AP3B1: variants seen among roughly 807,000 people sequenced by gnomAD.
AP3B1 encodes adaptor related protein complex 3 subunit beta 1, also known as AP-3 complex subunit beta-1.
A neutral mutation model predicts 132.5 loss-of-function variants in AP3B1; 61 were observed. That is an observed-to-expected ratio of 0.46 (90% CI 0.37 to 0.57). AP3B1 has a LOEUF of 0.57. Ranked by LOEUF, AP3B1 falls within the 20% of genes least tolerant of loss-of-function variation. The probability of loss-of-function intolerance (pLI) is 0.00; values close to 1 mark genes in which losing one functional copy is unlikely to be tolerated. For missense variants in AP3B1, 1,120 were observed against 1,289.4 expected, an observed-to-expected ratio of 0.87 and a Z score of 2.01; for synonymous variants, 388 against 438.3, an observed-to-expected ratio of 0.89 and a Z score of 1.43.
intron 1 of AP3B1, among the ~76,000 whole-genome samples, chr5:78,271,454 T>G (rs1015135330): frequency 5.9e-5 from 9 of 152,136 alleles, no homozygotes; most frequent in Non-Finnish European, 7.4e-5. Context: ...TTTCTAAAAG[T>G]CAGAATCATA....
In AP3B1 at chr5:78,142,330, G is replaced by C. The variant is rs553012133; in HGVS notation, c.1474-1011C>G. ...CTCCCCTATTCCAAAAGGAATTTGAGAGGGTGTGTAAATTCATTTCAGTGA... is the reference window on the plus strand; with the variant it reads ...CTCCCCTATTCCAAAAGGAATTTGACAGGGTGTGTAAATTCATTTCAGTGA... On this transcript the variant is annotated intron_variant, in intron 14 of 26. Coordinates refer to ENST00000255194, the MANE Select transcript of AP3B1 (RefSeq NM_003664.5). 1.9e-4 allele frequency among the ~76,000 whole-genome samples: 29 copies of C among 152,332 alleles called. 1 individual carries two copies. In the South Asian group the frequency reaches 6.0e-3, roughly 32 times the overall value.
In AP3B1 at chr5:78,234,426, G is replaced by C. The variant is rs181072816; in HGVS notation, c.280-6187C>G. 3.3e-3 allele frequency among the ~76,000 whole-genome samples: 503 copies of C among 152,238 alleles called. 2 individuals carry two copies. The highest frequency in any genetic ancestry group is 0.012 in the African/African-American group (480 of 41,552). ...TTTTCAAATTCTTAGATCAGTTTTA[G>C]AAGCGCTTCTCTAACTATTTGAGGA... On this transcript the variant is annotated intron_variant, in intron 3 of 26. Transcript: ENST00000255194.
chr5:78,116,542 C>T (rs1435202019), intron 17 of AP3B1, among the ~76,000 whole-genome samples: 2 of 149,830 alleles, frequency 1.3e-5, no homozygotes, highest in African/African-American at 2.5e-5. Context: ...AATAGGTGAG[C>T]GAAACTAGAA....
chr5:78,122,796 C>T (rs1752279761), intron 17 of AP3B1, among the ~76,000 whole-genome samples: 1 of 152,124 alleles, frequency 6.6e-6, no homozygotes, highest in Non-Finnish European at 1.5e-5. Flanking sequence ...GATTCAATGC[C>T]ATCCCCATCA....
rs774196917 is a variant in AP3B1 at position 78,128,108 on chromosome 5, A to G, written c.1890T>C (p.Ala630=). 3 of 1,613,082 alleles carry G rather than the reference A, an allele frequency of 1.9e-6. No homozygotes were observed. The highest frequency in any genetic ancestry group is 2.5e-6 in the Non-Finnish European group (3 of 1,179,146). The change falls in exon 17 of 27, where the codon GCT becomes GCC. Residue 630 remains alanine, a synonymous_variant. Coordinates refer to ENST00000255194, the MANE Select transcript of AP3B1 (RefSeq NM_003664.5). ...AATTAGATAATTCCAGGTACCCAGT[A>G]GCTTTAATGTTGAGAGTATGAGATA... is the stretch of plus-strand genomic sequence containing the variant. ...GTLSHTLNIK[A]TGYLELSNWP... is the part of the protein sequence containing the mutation.
At chr5:78,143,912 A>C (rs113142148) in intron 14 of AP3B1, among the ~76,000 whole-genome samples, 6,183 of 152,090 alleles carry the variant, frequency 0.041, 187 homozygotes, top group East Asian at 0.14. Context: ...GGCTAAGGTA[A>C]AAGAATCACT....
chr5:78,204,090 ATTAC>A (rs1296658186), intron 7 of AP3B1, among the ~76,000 whole-genome samples: 4 of 151,978 alleles, frequency 2.6e-5, no homozygotes, highest in Admixed American at 2.6e-4. Context: ...TACAGTTTCC[ATTAC>A]TTTCTTTTTT....
At chr5:78,191,111 G>C (rs570238275) in intron 7 of AP3B1, among the ~76,000 whole-genome samples, 54 of 152,056 alleles carry the variant, frequency 3.6e-4, no homozygotes, top group Non-Finnish European at 6.9e-4. Context: ...TAAGCCTTTA[G>C]AGAACACTTT....
chr5:78,227,413 A>G lies in AP3B1; in HGVS notation c.495T>C (p.Tyr165=), dbSNP rs1295606994. Residue 165 remains tyrosine (Y), a synonymous_variant, in exon 5 of 27, where the codon TAT becomes TAC. Transcript: ENST00000255194. Reference sequence around the variant, plus strand: ...TTGCATGGGCTGCATTCTTCCTAACATATGGTGATAAGTCAGCAGAAGCTT... The same window carrying G: ...TTGCATGGGCTGCATTCTTCCTAACGTATGGTGATAAGTCAGCAGAAGCTT... ...IKEASADLSP[Y]VRKNAAHAIQ... The G allele has an allele frequency of 6.2e-6, 10 of 1,613,758 alleles. No individual in the cohort carries two copies. The highest frequency in any genetic ancestry group is 6.8e-6 in the Non-Finnish European group (8 of 1,179,762).
At chr5:78,096,061 G>C (rs191737186) in intron 21 of AP3B1, among the ~76,000 whole-genome samples, 151 of 152,256 alleles carry the variant, frequency 9.9e-4, no homozygotes, top group African/African-American at 3.4e-3. Flanking sequence ...CTGATGCCGA[G>C]CTGAAGCTGG....
intron 7 of AP3B1, among the ~76,000 whole-genome samples, chr5:78,188,153 C>T (rs1247803432): frequency 1.3e-5 from 2 of 152,132 alleles, no homozygotes. Flanking sequence ...TAGGCAATAC[C>T]GTTCAGGACA....
chr5:78,270,875 A>G (rs527722772), intron 1 of AP3B1, among the ~76,000 whole-genome samples: 3 of 152,278 alleles, frequency 2.0e-5, no homozygotes, highest in Admixed American at 2.0e-4. Context: ...TTGATTCTGT[A>G]GCTCTATTCT....
Position 78,106,020 on chromosome 5 carries a change from T to C in AP3B1, c.2397+4187A>G, listed in dbSNP as rs530955805. Among the ~76,000 whole-genome samples the C allele has an allele frequency of 1.1e-4, 16 of 152,302 alleles. No individual in the cohort carries two copies. The South Asian group carries it at 3.3e-3, about 32-fold the overall frequency. On this transcript the variant is annotated intron_variant, in intron 20 of 26. Transcript: ENST00000255194. ...TGCAGCCATTCCCAACTAGGAGAAGTGGAGGGTCACAGTGATATGAGGCCA... is the reference window on the plus strand; with the variant it reads ...TGCAGCCATTCCCAACTAGGAGAAGCGGAGGGTCACAGTGATATGAGGCCA...
At chr5:78,118,385 C>G (rs1482374928) in intron 17 of AP3B1, among the ~76,000 whole-genome samples, 1 of 152,212 alleles carries the variant, frequency 6.6e-6, no homozygotes, top group African/African-American at 2.4e-5. Context: ...CATTGCCTCA[C>G]TCAGGAAGCG....
chr5:78,294,644 A>C lies in AP3B1; in HGVS notation c.-65T>G. 3.7e-6 allele frequency: 6 copies of C among 1,610,214 alleles called. No individual in the cohort carries two copies. Among genetic ancestry groups the C allele is most frequent in the Non-Finnish European group, 5.1e-6 (6 of 1,179,312 alleles). On this transcript the variant is annotated 5_prime_UTR_variant, in exon 1 of 27. Transcript: ENST00000255194. ...GGTTCTCTCCAAAAGGTTCCAGTCC[A>C]GAGGGCACGGAACAAAACTAGTTCT... is the stretch of plus-strand genomic sequence containing the variant.
chr5:78,075,903 T>C (rs1749747909), intron 22 of AP3B1, among the ~76,000 whole-genome samples: 1 of 152,226 alleles, frequency 6.6e-6, no homozygotes, highest in Non-Finnish European at 1.5e-5. Flanking sequence ...TCAATGGTAA[T>C]TCAAGGAAAG....
At chr5:78,105,258 C>T (rs1053804198) in intron 20 of AP3B1, among the ~76,000 whole-genome samples, 3 of 145,160 alleles carry the variant, frequency 2.1e-5, no homozygotes, top group East Asian at 1.9e-4. Flanking sequence ...GAATAAGGTG[C>T]GAATAGTGGA....
chr5:78,271,803 G>A (rs1316785427), intron 1 of AP3B1, among the ~76,000 whole-genome samples: 16 of 152,134 alleles, frequency 1.1e-4, no homozygotes, highest in Admixed American at 1.0e-3. Context: ...TTTCCAACCT[G>A]ACTATAGCAT....
chr5:78,274,032 GAAAAAAA>G (rs57157997), intron 1 of AP3B1, among the ~76,000 whole-genome samples: 1 of 91,556 alleles, frequency 1.1e-5, no homozygotes, highest in African/African-American at 4.5e-5. Context: ...AGAAAAAAAG[GAAAAAAA>G]AAAAAAAAAA....
Sources: allele counts gnomAD v4.1 joint callset (sites outside exome capture counted in the v4.1 genomes callset), GRCh38; gene constraint gnomAD v4.1.1; transcripts MANE v1.5; gene names NCBI Gene and HGNC (gene_info 2026-07-23, HGNC 2026-07-21).